The following PLEKHA5 variants were observed in gnomAD, a reference collection of about 807,000 sequenced individuals.
PLEKHA5 encodes pleckstrin homology domain containing A5.
A neutral mutation model predicts 181.9 loss-of-function variants in PLEKHA5; 55 were observed. That is an observed-to-expected ratio of 0.30 (90% CI 0.24 to 0.38). The LOEUF (loss-of-function observed/expected upper bound fraction) is 0.38. Ranked by LOEUF, PLEKHA5 falls within the 10% of genes least tolerant of loss-of-function variation. The pLI, the probability that PLEKHA5 is intolerant of heterozygous loss-of-function variation, is 1.00. For missense variants in PLEKHA5, 1,432 were observed against 1,549.5 expected (o/e 0.92, Z 1.27); for synonymous variants, 535 against 529.4 (o/e 1.01, Z -0.15).
rs1001430928 is a variant in PLEKHA5 at position 19,376,311 on chromosome 12, G to A, written c.*792G>A. 2 of 152,512 alleles carry A rather than the reference G, an allele frequency of 1.3e-5. No homozygotes were observed. The highest frequency in any genetic ancestry group is 4.8e-5 in the African/African-American group (2 of 41,432). The allele number at this position is 152,512 out of a possible 1,614,324, so 9.4% of individuals were successfully genotyped here. Reference sequence around the variant, plus strand: ...ATATTATACAATGAGCACATGTAATGTATTAAAGGCTACTTACTATTGTTT... The same window carrying A: ...ATATTATACAATGAGCACATGTAATATATTAAAGGCTACTTACTATTGTTT... On this transcript the variant is annotated 3_prime_UTR_variant, in exon 32 of 32. Transcript: ENST00000429027.
In PLEKHA5 at chr12:19,167,405, A is replaced by ATTTTTTT. The variant is rs56086557; in HGVS notation, c.227+34978_227+34984dup. 1.1e-3 allele frequency among the ~76,000 whole-genome samples: 97 copies of ATTTTTTT among 91,228 alleles called. 1 individual carries two copies. Among genetic ancestry groups the ATTTTTTT allele is most frequent in the Middle Eastern group, 0.011 (1 of 92 alleles). 59.8% of individuals were successfully genotyped at this position (91,228 alleles called of 152,430 possible). On this transcript the variant is annotated intron_variant, in intron 3 of 31. Transcript: ENST00000429027. ...CACTCTGCAAGTCTTCTGAGGCTTA[A>ATTTTTTT]TTTTTTTTTTTTTTTTTTTTTTTTT...
At position 19,167,405 on chromosome 12, in the gene PLEKHA5, A is replaced by ATTTTTTTTTTTTTTTTTTTT. The variant is rs56086557; in HGVS notation, c.227+34965_227+34984dup. Among the ~76,000 whole-genome samples the ATTTTTTTTTTTTTTTTTTTT allele has an allele frequency of 5.9e-4, 54 of 91,230 alleles. 1 individual carries two copies. Among genetic ancestry groups the ATTTTTTTTTTTTTTTTTTTT allele is most frequent in the Middle Eastern group, 0.011 (1 of 92 alleles). 59.9% of individuals were successfully genotyped at this position (91,230 alleles called of 152,430 possible). ...CACTCTGCAAGTCTTCTGAGGCTTA[A>ATTTTTTTTTTTTTTTTTTTT]TTTTTTTTTTTTTTTTTTTTTTTTT... On this transcript the variant is annotated intron_variant, in intron 3 of 31. Coordinates refer to ENST00000429027, the MANE Select transcript of PLEKHA5 (RefSeq NM_001256470.2).
intron 25 of PLEKHA5, among the ~76,000 whole-genome samples, chr12:19,349,986 C>T (rs1158612913): frequency 6.6e-6 from 1 of 152,124 alleles, no homozygotes; most frequent in Non-Finnish European, 1.5e-5. Context: ...GTAGCACACA[C>T]CTGTAGTCCC....
chr12:19,261,141 A>G (rs1592240363), intron 7 of PLEKHA5, 120 bp downstream of exon 7: 1 of 526,134 alleles, frequency 1.9e-6, no homozygotes, highest in Non-Finnish European at 3.4e-6. Flanking sequence ...AACAAATAGT[A>G]TCAAACAGAT....
chr12:19,250,347 G>A (rs2064943133), intron 3 of PLEKHA5, among the ~76,000 whole-genome samples: 1 of 152,178 alleles, frequency 6.6e-6, no homozygotes, highest in Non-Finnish European at 1.5e-5. Flanking sequence ...CACTTTGGGA[G>A]GCCAAGGCGG....
Position 19,269,816 on chromosome 12 carries a change from G to A in PLEKHA5, c.758G>A (p.Gly253Glu), listed in dbSNP as rs763115261. ...MRTYYFCTDTGKEMELWMKAM... is the reference protein window; with the variant it reads ...MRTYYFCTDTEKEMELWMKAM... ...ACCTATTATTTCTGCACTGATACAG[G>A]AAAGGAAATGGAGTTGTGGATGAAA... Residue 253 changes from glycine to glutamate, a missense_variant, in exon 9 of 32, where the codon GGA becomes GAA. This residue lies in a region of PLEKHA5 where 289 missense variants were observed against 381.1 expected (regional missense o/e 0.76). Transcript: ENST00000429027. 1 of 1,611,862 alleles carries A rather than the reference G, an allele frequency of 6.2e-7. No individual in the cohort carries two copies. Among genetic ancestry groups the A allele is most frequent in the Non-Finnish European group, 8.5e-7 (1 of 1,178,042 alleles).
chr12:19,205,372 T>A (rs537518521), intron 3 of PLEKHA5: 1 of 984,946 alleles, frequency 1.0e-6, no homozygotes, highest in East Asian at 1.1e-4. Flanking sequence ...TCAGGAAGCA[T>A]GTAATTTGTC....
At chr12:19,189,715 C>G (rs1031530126) in intron 3 of PLEKHA5, among the ~76,000 whole-genome samples, 2 of 152,122 alleles carry the variant, frequency 1.3e-5, no homozygotes, top group African/African-American at 4.8e-5. Flanking sequence ...CATATTCATG[C>G]TATTCAGACC....
intron 3 of PLEKHA5, among the ~76,000 whole-genome samples, chr12:19,218,521 TACA>T (rs996391195): frequency 7.2e-5 from 11 of 152,178 alleles, no homozygotes; most frequent in East Asian, 1.9e-4. Flanking sequence ...TTTCATTAGA[TACA>T]ACAAGAATAA....
chr12:19,274,863 C>G lies in PLEKHA5; in HGVS notation c.1193C>G (p.Pro398Arg). Residue 398 changes from proline to arginine, a missense_variant, in exon 11 of 32, where the codon CCC (proline) becomes CGC (arginine). This residue lies in a region of PLEKHA5 where 1,143 missense variants were observed against 1,168.4 expected (regional missense o/e 0.98). Coordinates refer to ENST00000429027, the MANE Select transcript of PLEKHA5 (RefSeq NM_001256470.2). Reference sequence around the variant, plus strand: ...GCAGATCTTAGAGGTGGAAATCGCCCCAATACAGGGCCCTTATACACAGAG... The same window carrying G: ...GCAGATCTTAGAGGTGGAAATCGCCGCAATACAGGGCCCTTATACACAGAG... ...SLADLRGGNR[P>R]NTGPLYTEAD... The G allele has an allele frequency of 6.2e-7, 1 of 1,613,932 alleles. No individual in the cohort carries two copies. Among genetic ancestry groups the G allele is most frequent in the Non-Finnish European group, 8.5e-7 (1 of 1,179,968 alleles).
intron 3 of PLEKHA5, among the ~76,000 whole-genome samples, chr12:19,167,405 A>AATTTTTTTTTTTTTTTTTTT (rs2044658334): frequency 1.1e-5 from 1 of 91,198 alleles, no homozygotes; most frequent in Non-Finnish European, 1.9e-5. Context: ...CTGAGGCTTA[A>AATTTTTTTTTTTTTTTTTTT]TTTTTTTTTT....
chr12:19,259,028 A>G (rs747771532), intron 6 of PLEKHA5, among the ~76,000 whole-genome samples: 16 of 152,084 alleles, frequency 1.1e-4, no homozygotes, highest in Non-Finnish European at 1.8e-4. Context: ...TTAATTTAGC[A>G]TTGCAAAAGT....
chr12:19,350,257 G>T (rs1234384493), intron 25 of PLEKHA5, among the ~76,000 whole-genome samples: 1 of 152,222 alleles, frequency 6.6e-6, no homozygotes, highest in African/African-American at 2.4e-5. Context: ...TGATATTGTG[G>T]TTGTGTAGTA....
intron 20 of PLEKHA5, among the ~76,000 whole-genome samples, chr12:19,330,764 C>A (rs1165231497): frequency 4.6e-5 from 7 of 151,974 alleles, no homozygotes; most frequent in Non-Finnish European, 1.0e-4. Flanking sequence ...GTATTAGTGA[C>A]CAAAAATTAA....
At chr12:19,149,580 T>G (rs1260769029) in intron 3 of PLEKHA5, 2 of 152,012 alleles carry the variant, frequency 1.3e-5, no homozygotes, top group Non-Finnish European at 2.9e-5. Flanking sequence ...TTGTGCATAC[T>G]TTTCATGGGT....
At chr12:19,239,658 A>G (rs1362937510) in intron 3 of PLEKHA5, among the ~76,000 whole-genome samples, 1 of 152,196 alleles carries the variant, frequency 6.6e-6, no homozygotes, top group Admixed American at 6.5e-5. Flanking sequence ...TATATAACAC[A>G]TTTTATATAC....
At chr12:19,281,179 T>A in intron 11 of PLEKHA5, among the ~76,000 whole-genome samples, 1 of 150,628 alleles carries the variant, frequency 6.6e-6, no homozygotes, top group Non-Finnish European at 1.5e-5. Flanking sequence ...CGGGCTGCAG[T>A]GTACTCCACT....
chr12:19,347,177 C>A lies in PLEKHA5; in HGVS notation c.2893C>A (p.His965Asn). Residue 965 changes from histidine (H) to asparagine (N), a missense_variant, in exon 24 of 32, where the codon CAC becomes AAC. Around this residue, in one of 2 missense-constraint regions of PLEKHA5, gnomAD observed 1,143 missense variants for 1,168.4 expected, o/e 0.98. Transcript: ENST00000429027. ...QVQGYPRNGS[H>N]CGPDYRLYKS... is the part of the protein sequence containing the mutation. ...TCAAGGATATCCAAGAAATGGATCT[C>A]ACTGTGTAAGTGGCTGGAATAGCCA... The A allele has an allele frequency of 7.8e-6, 12 of 1,534,882 alleles. No homozygotes were observed. Among genetic ancestry groups the A allele is most frequent in the Non-Finnish European group, 1.1e-5 (12 of 1,132,656 alleles).
intron 3 of PLEKHA5, among the ~76,000 whole-genome samples, chr12:19,165,633 T>G (rs1372447062): frequency 6.6e-6 from 1 of 152,178 alleles, no homozygotes; most frequent in Admixed American, 6.5e-5. Flanking sequence ...AGAGTTAAAC[T>G]AGAAACCTGT....
Sources: allele counts gnomAD v4.1 joint callset (sites outside exome capture counted in the v4.1 genomes callset), GRCh38; gene constraint gnomAD v4.1.1; regional missense constraint gnomAD v4.1.1; transcripts MANE v1.5; gene names NCBI Gene and HGNC (gene_info 2026-07-23, HGNC 2026-07-21).